Variants in ADCY5 observed in about 807,000 individuals in gnomAD.
The protein encoded by ADCY5 is adenylate cyclase type 5.
ADCY5 carries 30 observed loss-of-function variants against 119.7 expected under a neutral mutation model. The observed-to-expected ratio is 0.25, with a 90% CI of 0.19 to 0.34. The LOEUF is 0.34. ADCY5 is among the 10% of genes least tolerant of loss of function. The pLI is 1.00. For missense variants in ADCY5, 1,324 were observed against 1,775.2 expected (o/e 0.75, Z 4.57); for synonymous variants, 753 against 762.2 (o/e 0.99, Z 0.20).
Position 123,330,947 on chromosome 3 carries a change from T to C in ADCY5, c.1588A>G (p.Arg530Gly). ...YYCVSGLPEARADHAHCCVEM... is the reference protein window; with the variant it reads ...YYCVSGLPEAGADHAHCCVEM... The stretch of plus-strand genomic sequence containing the variant: ...ACACAGCAGTGGGCGTGGTCAGCCC[T>C]TGCTTCAGGCAGCCCCGAGACGCAG... The change falls in exon 5 of 21, where the codon AGG (arginine) becomes GGG (glycine). Residue 530 changes from arginine to glycine, a missense_variant. Physicochemically the swap from Arg to Gly is moderately radical, Grantham distance 125. This residue lies in a region of ADCY5 where 123 missense variants were observed against 287.9 expected (regional missense o/e 0.43). Coordinates refer to ENST00000462833, the MANE Select transcript of ADCY5 (RefSeq NM_183357.3). The C allele has an allele frequency of 6.2e-7, 1 of 1,614,058 alleles. No individual in the cohort carries two copies. The highest frequency in any genetic ancestry group is 8.5e-7 in the Non-Finnish European group (1 of 1,179,972).
At chr3:123,311,311 G>A (rs559568986) in intron 12 of ADCY5, among the ~76,000 whole-genome samples, 1 of 152,350 alleles carries the variant, frequency 6.6e-6, no homozygotes, top group South Asian at 2.1e-4. Flanking sequence ...GACAGCACCT[G>A]CAAAGGTGAG....
At chr3:123,314,104 A>C (rs1335237985) in intron 12 of ADCY5, 131 bp downstream of exon 12, 1 of 675,798 alleles carries the variant, frequency 1.5e-6, no homozygotes, top group Non-Finnish European at 2.6e-6. Flanking sequence ...TGTGGCTGGC[A>C]TCAGGCACTC....
intron 1 of ADCY5, among the ~76,000 whole-genome samples, chr3:123,425,950 C>T (rs1187600566): frequency 2.6e-5 from 4 of 152,212 alleles, no homozygotes; most frequent in Non-Finnish European, 5.9e-5. Context: ...TCCAAACATA[C>T]AGGCAGTCCA....
At chr3:123,319,897 C>T in intron 9 of ADCY5, 79 bp from the exon 10 acceptor site, 1 of 1,556,804 alleles carries the variant, frequency 6.4e-7, no homozygotes, top group Non-Finnish European at 8.7e-7. Context: ...CGACCATCCC[C>T]CCAGACTCTC....
chr3:123,359,838 C>T (rs1943185403), intron 1 of ADCY5, among the ~76,000 whole-genome samples: 1 of 152,102 alleles, frequency 6.6e-6, no homozygotes, highest in South Asian at 2.1e-4. Flanking sequence ...CGAAATGAGT[C>T]CCAAATAAAA....
intron 20 of ADCY5, 103 bp from the exon 21 acceptor site, chr3:123,284,839 T>G: frequency 2.0e-6 from 3 of 1,497,692 alleles, no homozygotes; most frequent in Non-Finnish European, 2.8e-6. Flanking sequence ...TTGCCGCCCC[T>G]GACACAGAAG....
intron 3 of ADCY5, among the ~76,000 whole-genome samples, chr3:123,345,769 G>GACACACACACAGACACACACACACAC (rs1942515962): frequency 8.8e-6 from 1 of 113,762 alleles, no homozygotes; most frequent in Non-Finnish European, 1.7e-5. Flanking sequence ...CAGACAGACA[G>GACACACACACAGACACACACACACAC]ACACACACAC....
intron 1 of ADCY5, among the ~76,000 whole-genome samples, chr3:123,402,445 C>T (rs1184610066): frequency 6.6e-6 from 1 of 152,226 alleles, no homozygotes; most frequent in African/African-American, 2.4e-5. Context: ...GTTGACAATG[C>T]CGGCAGGATG....
intron 5 of ADCY5, among the ~76,000 whole-genome samples, chr3:123,329,802 T>C (rs868670991): frequency 7.9e-5 from 12 of 152,312 alleles, no homozygotes; most frequent in Middle Eastern, 3.4e-3. Context: ...ATCATTTCTC[T>C]TGTCCTGAAT....
At chr3:123,423,715 C>T (rs1007308540) in intron 1 of ADCY5, among the ~76,000 whole-genome samples, 1 of 152,222 alleles carries the variant, frequency 6.6e-6, no homozygotes, top group African/African-American at 2.4e-5. Flanking sequence ...CTGGCAGTCC[C>T]TCTGCAGTAA....
intron 1 of ADCY5, chr3:123,419,136 T>G: frequency 1.0e-6 from 1 of 985,226 alleles, no homozygotes; most frequent in South Asian, 4.7e-5. Flanking sequence ...CAGGGAACGC[T>G]GATAGTGCAG....
At position 123,448,143 on chromosome 3, in the gene ADCY5, C is replaced by A; in HGVS notation, c.403G>T (p.Gly135Cys). 9.7e-7 allele frequency: 1 copy of A among 1,029,044 alleles called. No individual in the cohort carries two copies. The highest frequency in any genetic ancestry group is 1.2e-6 in the Non-Finnish European group (1 of 864,088). The allele number at this position is 1,029,044 out of a possible 1,614,324, so 63.7% of individuals were successfully genotyped here. A position where few individuals can be genotyped will look rare whatever the true frequency, so the allele number is the denominator to read the frequency against. ...GGSTRAPPAG[G>C]GGGSAAAAAS... ...GCCGCCGCCGCCGAGCCGCCGCCGC[C>A]GCCCGCAGGGGGCGCCCGGGTGCTG... is the stretch of plus-strand genomic sequence containing the variant. Residue 135 changes from glycine to cysteine, a missense_variant, in exon 1 of 21, where the codon GGC becomes TGC. Physicochemically the swap from Gly to Cys is radical, Grantham distance 159. Around this residue, in one of 6 missense-constraint regions of ADCY5, gnomAD observed 585 missense variants for 569.9 expected, o/e 1.03. Transcript: ENST00000462833.
intron 1 of ADCY5, among the ~76,000 whole-genome samples, chr3:123,390,116 A>G: frequency 6.6e-6 from 1 of 152,192 alleles, no homozygotes; most frequent in East Asian, 1.9e-4. Context: ...GTCTCAGGCC[A>G]GGAAGCTGGA....
chr3:123,362,495 T>C (rs563209890), intron 1 of ADCY5, among the ~76,000 whole-genome samples: 28 of 152,222 alleles, frequency 1.8e-4, no homozygotes, highest in Non-Finnish European at 4.1e-4. Context: ...GTACATTTTA[T>C]GTTTTGTTAT....
chr3:123,328,878 C>T, intron 5 of ADCY5, 76 bp from the exon 6 acceptor site: 2 of 1,466,240 alleles, frequency 1.4e-6, no homozygotes, highest in South Asian at 2.5e-5. Context: ...GCTGCAGGTG[C>T]AGGGAAGGTG....
At chr3:123,328,345 C>T (rs915146364) in intron 6 of ADCY5, among the ~76,000 whole-genome samples, 3 of 152,190 alleles carry the variant, frequency 2.0e-5, no homozygotes, top group African/African-American at 7.2e-5. Context: ...TTCCTCCCTC[C>T]TCCAGAACTC....
intron 1 of ADCY5, chr3:123,419,173 C>T: frequency 1.0e-6 from 1 of 985,402 alleles, no homozygotes; most frequent in Non-Finnish European, 1.2e-6. Context: ...CACCGCATCC[C>T]CTCCCCTCAT....
In ADCY5 at chr3:123,448,482, G is replaced by A. The variant is rs1945872086; in HGVS notation, c.64C>T (p.Pro22Ser). The A allele has an allele frequency of 3.2e-6, 4 of 1,269,202 alleles. No homozygotes were observed. Among genetic ancestry groups the A allele is most frequent in the South Asian group, 5.5e-5 (2 of 36,454 alleles). 78.6% of individuals were successfully genotyped at this position (1,269,202 alleles called of 1,614,324 possible). ...YAAQKTAAPA[P>S]RGGPEHRSAW... Reference sequence around the variant, plus strand: ...GAGCGGTGTTCGGGGCCTCCCCGGGGCGCCGGCGCCGCAGTCTTCTGCGCC... The same window carrying A: ...GAGCGGTGTTCGGGGCCTCCCCGGGACGCCGGCGCCGCAGTCTTCTGCGCC... Residue 22 changes from proline (P) to serine (S), a missense_variant, in exon 1 of 21, where the codon CCC (proline) becomes TCC (serine). This residue lies in a region of ADCY5 where 585 missense variants were observed against 569.9 expected (regional missense o/e 1.03). Transcript: ENST00000462833.
chr3:123,311,185 G>C (rs192440233), intron 12 of ADCY5, among the ~76,000 whole-genome samples: 1 of 152,222 alleles, frequency 6.6e-6, no homozygotes, highest in African/African-American at 2.4e-5. Flanking sequence ...GCCACTCTCC[G>C]TGACTTCTGA....
Sources: gnomAD v4.1 joint callset for allele counts (sites outside exome capture counted in the v4.1 genomes callset) on GRCh38, gnomAD v4.1.1 for gene constraint, gnomAD v4.1.1 regional missense constraint, MANE v1.5 for transcripts, NCBI Gene and HGNC (gene_info 2026-07-23, HGNC 2026-07-21) for gene names.